The following ZNF280D variants were observed in gnomAD, a reference collection of about 807,000 sequenced individuals.
ZNF280D encodes the protein zinc finger protein 280D.
A neutral mutation model predicts 94.7 loss-of-function variants in ZNF280D; 39 were observed. The observed-to-expected ratio is 0.41, with a 90% CI of 0.32 to 0.54. The LOEUF (loss-of-function observed/expected upper bound fraction) is 0.54. ZNF280D is among the 20% of genes least tolerant of loss of function. The pLI is 0.22. For missense variants in ZNF280D, 1,090 were observed against 1,149.3 expected (o/e 0.95, Z 0.75); for synonymous variants, 398 against 377.6 (o/e 1.05, Z -0.63).
chr15:56,708,104 C>T (rs552599372), intron 1 of ZNF280D, among the ~76,000 whole-genome samples: 202 of 152,112 alleles, frequency 1.3e-3, no homozygotes, highest in Admixed American at 2.3e-3. Flanking sequence ...AAATCTAAAA[C>T]ACTGGAATAT....
rs1410891671 is a variant in ZNF280D at position 56,631,642 on chromosome 15, T to G, written c.2796A>C (p.Thr932=). The change falls in exon 22 of 22, where the codon ACA becomes ACC. Residue 932 remains threonine (T), a synonymous_variant. Coordinates refer to ENST00000267807, the MANE Select transcript of ZNF280D (RefSeq NM_017661.4). Reference sequence around the variant, plus strand: ...CACCACTACCTTTCTGAAGAATCTCTGTGGCTTCATACTCAAGTACCTCGG... The same window carrying G: ...CACCACTACCTTTCTGAAGAATCTCGGTGGCTTCATACTCAAGTACCTCGG... ...TPSEVLEYEA[T]EILQKGSGDP... is the part of the protein sequence containing the mutation. 1 of 1,614,186 alleles carries G rather than the reference T, an allele frequency of 6.2e-7. No individual in the cohort carries two copies. The highest frequency in any genetic ancestry group is 1.1e-5 in the South Asian group (1 of 91,086).
At chr15:56,686,838 T>A (rs2056054640) in intron 9 of ZNF280D, among the ~76,000 whole-genome samples, 1 of 151,412 alleles carries the variant, frequency 6.6e-6, no homozygotes, top group Non-Finnish European at 1.5e-5. Flanking sequence ...GAAAAAATAA[T>A]CTTAAAGAAT....
chr15:56,638,996 G>A (rs1041634818), intron 20 of ZNF280D, among the ~76,000 whole-genome samples: 3 of 151,596 alleles, frequency 2.0e-5, no homozygotes, highest in South Asian at 2.1e-4. Flanking sequence ...AAAACAAAAA[G>A]GAATAAAGAA....
chr15:56,631,410 GA>G lies in ZNF280D; in HGVS notation c.*87del, dbSNP rs1438542494. ...ACCTCCCTTACATATTTCCATTTCT[GA>G]ACCTACAACAGCACCACTGAGCTCA... On this transcript the variant is annotated 3_prime_UTR_variant, in exon 22 of 22. Transcript: ENST00000267807. The G allele has an allele frequency of 7.1e-7, 1 of 1,405,314 alleles. No individual in the cohort carries two copies. Among genetic ancestry groups the G allele is most frequent in the Non-Finnish European group, 9.7e-7 (1 of 1,026,106 alleles). The allele number at this position is 1,405,314 out of a possible 1,614,324, so 87.1% of individuals were successfully genotyped here. A position where few individuals can be genotyped will look rare whatever the true frequency, so the allele number is the denominator to read the frequency against.
intron 9 of ZNF280D, among the ~76,000 whole-genome samples, chr15:56,686,033 G>A (rs549629981): frequency 3.9e-5 from 6 of 152,308 alleles, no homozygotes; most frequent in African/African-American, 1.4e-4. Context: ...AACCATAACA[G>A]GGGTTGTGAG....
At chr15:56,708,814 G>A (rs2057577163) in intron 1 of ZNF280D, among the ~76,000 whole-genome samples, 1 of 152,088 alleles carries the variant, frequency 6.6e-6, no homozygotes, top group Non-Finnish European at 1.5e-5. Context: ...TATGTAGAAA[G>A]CTGAAACTGG....
intron 6 of ZNF280D, among the ~76,000 whole-genome samples, chr15:56,693,663 A>G (rs192526417): frequency 1.1e-4 from 16 of 149,530 alleles, no homozygotes; most frequent in African/African-American, 2.9e-4. Flanking sequence ...AAGCAAGGAG[A>G]AAAAAAAAAC....
chr15:56,633,360 C>G (rs1203641415), intron 21 of ZNF280D, among the ~76,000 whole-genome samples: 1 of 152,106 alleles, frequency 6.6e-6, no homozygotes, highest in African/African-American at 2.4e-5. Context: ...TACTTTAGAA[C>G]TAAACAAATC....
intron 20 of ZNF280D, among the ~76,000 whole-genome samples, chr15:56,641,793 G>A (rs1388148872): frequency 6.6e-6 from 1 of 151,562 alleles, no homozygotes; most frequent in Admixed American, 6.6e-5. Flanking sequence ...ATGTAAATGC[G>A]ATAAACAGAA....
At chr15:56,720,048 G>C (rs1173401390) in intron 1 of ZNF280D, among the ~76,000 whole-genome samples, 2 of 152,096 alleles carry the variant, frequency 1.3e-5, no homozygotes, top group African/African-American at 4.8e-5. Context: ...CTTAAAATAA[G>C]ACAATGAAGC....
intron 19 of ZNF280D, chr15:56,653,529 T>C (rs1227006561): frequency 1.3e-6 from 2 of 1,523,278 alleles, no homozygotes; most frequent in East Asian, 2.5e-5. Context: ...GCATCAGTTG[T>C]GTCCATCGAA....
intron 19 of ZNF280D, among the ~76,000 whole-genome samples, chr15:56,647,430 T>C (rs1443855954): frequency 1.3e-5 from 2 of 152,312 alleles, no homozygotes; most frequent in South Asian, 2.1e-4. Context: ...TTTGGACATA[T>C]TGGATTTGTG....
intron 19 of ZNF280D, chr15:56,653,350 T>C (rs757476110): frequency 1.9e-5 from 24 of 1,257,900 alleles, no homozygotes; most frequent in Non-Finnish European, 2.3e-5. Flanking sequence ...CAGTGGGAAG[T>C]ATGCTCAATT....
At chr15:56,660,767 T>C (rs576886804) in intron 16 of ZNF280D, among the ~76,000 whole-genome samples, 10 of 152,302 alleles carry the variant, frequency 6.6e-5, no homozygotes, top group African/African-American at 2.4e-4. Flanking sequence ...AATTTTATTG[T>C]GTATAAATTA....
At chr15:56,642,562 T>C (rs1596331616) in intron 20 of ZNF280D, among the ~76,000 whole-genome samples, 1 of 151,786 alleles carries the variant, frequency 6.6e-6, no homozygotes, top group African/African-American at 2.4e-5. Context: ...ATTTCTATTT[T>C]AAAAATTAGT....
rs548089174 is a variant in ZNF280D at position 56,727,681 on chromosome 15, G to A, written c.-86+5777C>T. ...TTCATTTTCTGCCCAAAATGGAAGA[G>A]AAGAAAATTAACAGAGGAAGGCATT... On this transcript the variant is annotated intron_variant, in intron 1 of 21. Coordinates refer to ENST00000267807, the MANE Select transcript of ZNF280D (RefSeq NM_017661.4). Among the ~76,000 whole-genome samples, 5 of 152,232 alleles carry A rather than the reference G, an allele frequency of 3.3e-5. No homozygotes were observed. In the South Asian group the frequency reaches 1.0e-3, roughly 32 times the overall value.
At position 56,689,050 on chromosome 15, in the gene ZNF280D, A is replaced by G. The variant is rs140994670; in HGVS notation, c.771T>C (p.Asn257=). The change falls in exon 9 of 22, where the codon AAT becomes AAC. Residue 257 remains asparagine, a synonymous_variant. Transcript: ENST00000267807. ...IHFNLLDPLK[N]HMKYCCPDMI... ...TTTGAAAGAGTTTTACCTTCATGTG[A>G]TTTTTCAAAGGATCCAAAAGATTGA... is the stretch of plus-strand genomic sequence containing the variant. The G allele has an allele frequency of 6.3e-7, 1 of 1,596,054 alleles. No homozygotes were observed. Among genetic ancestry groups the G allele is most frequent in the African/African-American group, 1.4e-5 (1 of 74,028 alleles).
intron 19 of ZNF280D, among the ~76,000 whole-genome samples, chr15:56,648,246 A>G (rs1308286433): frequency 2.6e-5 from 4 of 152,130 alleles, no homozygotes; most frequent in African/African-American, 7.2e-5. Context: ...AATCCTACTA[A>G]AAGACCAGTT....
At chr15:56,697,027 G>A (rs1251750928) in intron 6 of ZNF280D, among the ~76,000 whole-genome samples, 3 of 151,900 alleles carry the variant, frequency 2.0e-5, no homozygotes, top group South Asian at 2.1e-4. Context: ...TTTACCTAAC[G>A]AACTATTAAA....
Sources: allele counts gnomAD v4.1 joint callset (sites outside exome capture counted in the v4.1 genomes callset), GRCh38; gene constraint gnomAD v4.1.1; transcripts MANE v1.5; gene names NCBI Gene and HGNC (gene_info 2026-07-23, HGNC 2026-07-21).